SPATA13: variants seen among roughly 807,000 people sequenced by gnomAD.
SPATA13 encodes spermatogenesis-associated protein 13.
SPATA13 carries 50 observed loss-of-function variants against 104.0 expected under a neutral mutation model. That is an observed-to-expected ratio of 0.48 (90% CI 0.38 to 0.61). The LOEUF is 0.61. Ranked by LOEUF, SPATA13 falls within the 20% of genes least tolerant of loss-of-function variation. The pLI, the probability that SPATA13 is intolerant of heterozygous loss-of-function variation, is 0.00. For missense variants in SPATA13, 1,524 were observed against 1,690.6 expected, an observed-to-expected ratio of 0.90 and a Z score of 1.73; for synonymous variants, 606 against 667.5, an observed-to-expected ratio of 0.91 and a Z score of 1.42.
intron 3 of SPATA13, among the ~76,000 whole-genome samples, chr13:24,137,925 T>A (rs1881625936): frequency 6.6e-6 from 1 of 152,196 alleles, no homozygotes; most frequent in South Asian, 2.1e-4. Flanking sequence ...CCAGTGATGT[T>A]TGATGACTGG....
Position 24,287,043 on chromosome 13 carries a change from C to G in SPATA13, c.2667+93C>G, listed in dbSNP as rs558473047. 266 of 1,079,248 alleles carry G rather than the reference C, an allele frequency of 2.5e-4. No homozygotes were observed. In the African/African-American group the frequency reaches 3.9e-3, roughly 16 times the overall value. The allele number at this position is 1,079,248 out of a possible 1,614,324, so 66.9% of individuals were successfully genotyped here. ...TCCCCACCTCCACCCCCCGCCCCCC[C>G]ATCAGGCTCCCACATGTATGCTCAT... On this transcript the variant is annotated intron_variant, in intron 7 of 12. Coordinates refer to ENST00000382108, the MANE Select transcript of SPATA13 (RefSeq NM_001166271.3).
At position 24,016,111 on chromosome 13, in the gene SPATA13, A is replaced by G. The variant is rs75705817; in HGVS notation, c.-146-1556A>G. Among the ~76,000 whole-genome samples, 8 of 152,118 alleles carry G rather than the reference A, an allele frequency of 5.3e-5. No homozygotes were observed. In the East Asian group the frequency reaches 1.5e-3, roughly 29 times the overall value. Reference sequence around the variant, plus strand: ...AGCCCCGTTCCAAGTCCCTGGCAGGACTCGGGACTCTGCGTATGTCTTTCT... The same window carrying G: ...AGCCCCGTTCCAAGTCCCTGGCAGGGCTCGGGACTCTGCGTATGTCTTTCT... On this transcript the variant is annotated intron_variant, in intron 2 of 14. Coordinates refer to the SPATA13 transcript ENST00000424834.
At chr13:24,052,489 ATG>A (rs1344854099) in intron 3 of SPATA13, among the ~76,000 whole-genome samples, 1 of 84,662 alleles carries the variant, frequency 1.2e-5, no homozygotes, top group African/African-American at 3.3e-5. Context: ...AAAGAAATAT[ATG>A]TTTTTTTTTT....
intron 3 of SPATA13, among the ~76,000 whole-genome samples, chr13:24,147,529 C>A (rs1467662420): frequency 6.6e-6 from 1 of 152,134 alleles, no homozygotes; most frequent in African/African-American, 2.4e-5. Flanking sequence ...GAGCATTTTG[C>A]CCTTGTCTTC....
intron 3 of SPATA13, among the ~76,000 whole-genome samples, chr13:24,069,985 G>A (rs7994230): frequency 0.22 from 32,758 of 152,126 alleles, 3,777 homozygotes; most frequent in Non-Finnish European, 0.26. Context: ...GTGGGAGTGC[G>A]GTAGAGGGGT....
intron 3 of SPATA13, among the ~76,000 whole-genome samples, chr13:24,120,894 T>C (rs1270455064): frequency 1.3e-5 from 2 of 152,204 alleles, no homozygotes; most frequent in East Asian, 3.9e-4. Flanking sequence ...TGAACTCAGG[T>C]ACTGCGCTGT....
At chr13:24,177,483 T>A (rs1046634877) in intron 1 of SPATA13, among the ~76,000 whole-genome samples, 1 of 152,206 alleles carries the variant, frequency 6.6e-6, no homozygotes. Flanking sequence ...TAGGCCTTTT[T>A]AATTTAATTT....
chr13:24,280,298 C>T (rs1430910837), intron 4 of SPATA13, among the ~76,000 whole-genome samples: 1 of 152,178 alleles, frequency 6.6e-6, no homozygotes, highest in Non-Finnish European at 1.5e-5. Flanking sequence ...CAATAGACTC[C>T]TGTTAATTGT....
At chr13:24,123,249 G>C (rs537518858) in intron 3 of SPATA13, 507 of 1,601,192 alleles carry the variant, frequency 3.2e-4, no homozygotes, top group Non-Finnish European at 4.2e-4. Context: ...GGCAATGGCA[G>C]CTTCCACTTT....
intron 1 of SPATA13, among the ~76,000 whole-genome samples, chr13:24,210,980 A>C (rs1870980907): frequency 6.6e-6 from 1 of 152,048 alleles, no homozygotes; most frequent in African/African-American, 2.4e-5. Context: ...GTTATTCCTA[A>C]GTATTTTATT....
At chr13:23,999,726 T>C (rs1875868833) in intron 2 of SPATA13, among the ~76,000 whole-genome samples, 1 of 152,264 alleles carries the variant, frequency 6.6e-6, no homozygotes, top group South Asian at 2.1e-4. Flanking sequence ...ATCTAATGTT[T>C]GAAAACTGGT....
chr13:24,254,066 C>T (rs182957965), intron 4 of SPATA13, among the ~76,000 whole-genome samples: 4 of 152,158 alleles, frequency 2.6e-5, no homozygotes, highest in African/African-American at 9.6e-5. Flanking sequence ...GATTTGAAGG[C>T]GATTGCATTA....
chr13:24,090,375 C>T (rs1879871570), intron 3 of SPATA13, among the ~76,000 whole-genome samples: 1 of 152,202 alleles, frequency 6.6e-6, no homozygotes, highest in African/African-American at 2.4e-5. Flanking sequence ...CATTTAACCA[C>T]TTACTTGGCA....
intron 2 of SPATA13, among the ~76,000 whole-genome samples, chr13:24,016,913 A>G (rs4769304): frequency 0.31 from 47,443 of 152,188 alleles, 7,911 homozygotes; most frequent in East Asian, 0.62. Context: ...CCAGCCTTCA[A>G]TGAATACAGT....
chr13:24,303,063 G>T lies in SPATA13; in HGVS notation c.*290G>T. On this transcript the variant is annotated 3_prime_UTR_variant, in exon 13 of 13. Coordinates refer to ENST00000382108, the MANE Select transcript of SPATA13 (RefSeq NM_001166271.3). Reference sequence around the variant, plus strand: ...CCCGGTACCATGCTCTAAAGCGAGTGATTAGGCAGCAGCTGAAGCCACCCC... The same window carrying T: ...CCCGGTACCATGCTCTAAAGCGAGTTATTAGGCAGCAGCTGAAGCCACCCC... The T allele has an allele frequency of 2.2e-6, 1 of 457,148 alleles. No homozygotes were observed. The highest frequency in any genetic ancestry group is 2.0e-5 in the African/African-American group (1 of 50,912). 28.3% of individuals were successfully genotyped at this position (457,148 alleles called of 1,614,324 possible).
At chr13:24,262,521 T>A (rs1366242812) in intron 4 of SPATA13, among the ~76,000 whole-genome samples, 2 of 152,222 alleles carry the variant, frequency 1.3e-5, no homozygotes, top group Non-Finnish European at 2.9e-5. Context: ...GGCCTTATTC[T>A]GTCCTAATTA....
At chr13:24,293,533 G>A (rs189614497) in intron 9 of SPATA13, among the ~76,000 whole-genome samples, 5 of 151,980 alleles carry the variant, frequency 3.3e-5, no homozygotes, top group African/African-American at 9.7e-5. Context: ...GCAGATTTTG[G>A]TTTTTTCAAA....
upstream of SPATA13, among the ~76,000 whole-genome samples, chr13:24,157,327 C>T (rs1882286876): frequency 6.6e-6 from 1 of 151,922 alleles, no homozygotes; most frequent in Non-Finnish European, 1.5e-5. Context: ...GAGATGGAGT[C>T]TCGCTCTGTC....
chr13:24,289,174 A>T lies in SPATA13; in HGVS notation c.2843A>T (p.Gln948Leu), dbSNP rs777830854. Residue 948 changes from glutamine (Q) to leucine (L), a missense_variant, in exon 8 of 13, where the codon CAA becomes CTA. Around this residue, in one of 2 missense-constraint regions of SPATA13, gnomAD observed 435 missense variants for 554.8 expected, o/e 0.78. Transcript: ENST00000382108. ...AGTGAAATAGGATCTTGCTTTCTTC[A>T]AAATGTGCGTCACCCTTTACTTCAT... is the stretch of plus-strand genomic sequence containing the variant. ...HLSEIGSCFL[Q>L]NQEGFAIYSE... 1.6e-5 allele frequency: 25 copies of T among 1,607,966 alleles called. No individual in the cohort carries two copies. Among genetic ancestry groups the T allele is most frequent in the Middle Eastern group, 3.3e-4 (2 of 6,046 alleles).
Sources: allele counts gnomAD v4.1 joint callset (sites outside exome capture counted in the v4.1 genomes callset), GRCh38; gene constraint gnomAD v4.1.1; regional missense constraint gnomAD v4.1.1; transcripts MANE v1.5; gene names NCBI Gene and HGNC (gene_info 2026-07-23, HGNC 2026-07-21).